The following TACR3 variants were observed in gnomAD, a reference collection of about 807,000 sequenced individuals.
TACR3 encodes the protein neuromedin-K receptor.
Under a neutral mutation model 35.0 loss-of-function variants are expected in TACR3, and 34 were observed. The observed-to-expected ratio is 0.97, with a 90% CI of 0.74 to 1.30. The LOEUF (loss-of-function observed/expected upper bound fraction) is 1.30, where lower values mean the gene tolerates loss of function less well. Among genes scored for constraint, TACR3 ranks in the 50% most tolerant of loss-of-function variants. TACR3 has a pLI of 0.00. For missense variants in TACR3, 558 were observed against 591.7 expected, an observed-to-expected ratio of 0.94 and a Z score of 0.59; for synonymous variants, 233 against 221.1, an observed-to-expected ratio of 1.05 and a Z score of -0.48.
chr4:103,649,987 A>C (rs999111265), intron 3 of TACR3, among the ~76,000 whole-genome samples: 1 of 151,996 alleles, frequency 6.6e-6, no homozygotes, highest in Non-Finnish European at 1.5e-5. Flanking sequence ...CCTTCTTGGG[A>C]AGGATTTCTA....
At chr4:103,648,902 A>G (rs1446545820) in intron 3 of TACR3, among the ~76,000 whole-genome samples, 1 of 152,080 alleles carries the variant, frequency 6.6e-6, no homozygotes, top group Non-Finnish European at 1.5e-5. Context: ...TTACATTCCC[A>G]TCAACTGTAT....
Position 103,702,377 on chromosome 4 carries a change from C to T in TACR3, c.548+16751G>A, listed in dbSNP as rs1408890753. On this transcript the variant is annotated intron_variant, in intron 1 of 4. Transcript: ENST00000304883. ...TACCATCTCACACCAGTTAGAATGG[C>T]GATCATTAAAAAGTCAGGAAACAAC... Among the ~76,000 whole-genome samples, 19 of 152,082 alleles carry T rather than the reference C, an allele frequency of 1.2e-4. No individual in the cohort carries two copies. The South Asian group carries it at 1.5e-3, about 12-fold the overall frequency.
chr4:103,627,747 T>A (rs999006330), intron 3 of TACR3, among the ~76,000 whole-genome samples: 2 of 151,992 alleles, frequency 1.3e-5, no homozygotes, highest in Non-Finnish European at 2.9e-5. Context: ...AGACAGAAGG[T>A]TAACAAGGAT....
chr4:103,614,885 T>TTTG lies in TACR3; in HGVS notation c.889-23203_889-23202insCAA, dbSNP rs1491546446. ...ATAACCTAAGTTGATTATGAATGTG[T>TTTG]TTTTTTTTTTTTTTTTTTTTTTTTT... On this transcript the variant is annotated intron_variant, in intron 3 of 4. Transcript: ENST00000304883. 8.1e-3 allele frequency among the ~76,000 whole-genome samples: 544 copies of TTTG among 67,180 alleles called. 29 individuals carry two copies. Among genetic ancestry groups the TTTG allele is most frequent in the African/African-American group, 0.043 (518 of 12,034 alleles). The allele number at this position is 67,180 out of a possible 152,430, so 44.1% of individuals were successfully genotyped here.
intron 1 of TACR3, among the ~76,000 whole-genome samples, chr4:103,678,831 C>T (rs1217143026): frequency 6.6e-6 from 1 of 151,398 alleles, no homozygotes; most frequent in African/African-American, 2.4e-5. Context: ...TGTCCTCACA[C>T]CACATCTATA....
chr4:103,640,982 C>A (rs1725343721), intron 3 of TACR3, among the ~76,000 whole-genome samples: 1 of 151,928 alleles, frequency 6.6e-6, no homozygotes, highest in South Asian at 2.1e-4. Context: ...ATTATTCAGA[C>A]AAATGTCATA....
intron 3 of TACR3, among the ~76,000 whole-genome samples, chr4:103,638,122 A>C (rs1235688389): frequency 2.0e-5 from 3 of 152,130 alleles, no homozygotes; most frequent in Admixed American, 2.0e-4. Flanking sequence ...AAGAGAGCCC[A>C]CATCGCCAAG....
intron 1 of TACR3, among the ~76,000 whole-genome samples, chr4:103,664,698 A>C (rs1725902127): frequency 6.6e-6 from 1 of 152,058 alleles, no homozygotes; most frequent in South Asian, 2.1e-4. Flanking sequence ...GTGCTAGGGT[A>C]TTTTCTGCTT....
At chr4:103,621,869 T>C (rs1361567352) in intron 3 of TACR3, among the ~76,000 whole-genome samples, 1 of 152,240 alleles carries the variant, frequency 6.6e-6, no homozygotes, top group East Asian at 1.9e-4. Context: ...ATGGGCATAA[T>C]ACAAATGTAG....
chr4:103,656,221 A>T lies in TACR3; in HGVS notation c.861T>A (p.Tyr287Ter). Reference sequence around the variant, plus strand: ...TTCTTTTGGCCTTTAGCTGCTCATGATACTTGTCACAGGTATCTCCTGGGA... The same window carrying T: ...TTCTTTTGGCCTTTAGCTGCTCATGTTACTTGTCACAGGTATCTCCTGGGA... ...GEIPGDTCDK[Y>*]HEQLKAKRKV... The change falls in exon 3 of 5, where the codon TAT becomes TAA. Residue 287 changes from tyrosine (Y) to a stop codon, truncating the protein, a stop_gained. Coordinates refer to ENST00000304883, the MANE Select transcript of TACR3 (RefSeq NM_001059.3). LOFTEE classifies it high-confidence loss of function. 1 of 1,613,032 alleles carries T rather than the reference A, an allele frequency of 6.2e-7. No homozygotes were observed. Among genetic ancestry groups the T allele is most frequent in the Non-Finnish European group, 8.5e-7 (1 of 1,179,278 alleles).
At chr4:103,637,541 C>T (rs993591682) in intron 3 of TACR3, among the ~76,000 whole-genome samples, 5 of 152,098 alleles carry the variant, frequency 3.3e-5, no homozygotes, top group African/African-American at 1.2e-4. Context: ...GACAAGGATG[C>T]CCTCTCTCAC....
chr4:103,671,602 A>G, intron 1 of TACR3, among the ~76,000 whole-genome samples: 1 of 151,876 alleles, frequency 6.6e-6, no homozygotes, highest in East Asian at 1.9e-4. Context: ...GTCTCTAATG[A>G]TCCTTTAAAT....
intron 3 of TACR3, among the ~76,000 whole-genome samples, chr4:103,621,366 G>C (rs1425887643): frequency 1.3e-5 from 2 of 152,110 alleles, no homozygotes; most frequent in Non-Finnish European, 2.9e-5. Flanking sequence ...TGAGAATAGA[G>C]GGCCAATATG....
chr4:103,674,155 G>A (rs1275477038), intron 1 of TACR3, among the ~76,000 whole-genome samples: 2 of 152,126 alleles, frequency 1.3e-5, no homozygotes, highest in African/African-American at 4.8e-5. Context: ...GGAAGCTTTA[G>A]TTAAATATAT....
rs112175823 is a variant in TACR3 at position 103,589,412 on chromosome 4, A to G, written c.*270T>C. 2,344 of 396,916 alleles carry G rather than the reference A, an allele frequency of 5.9e-3. 48 individuals are homozygous for G. Among genetic ancestry groups the G allele is most frequent in the African/African-American group, 0.043 (2,171 of 50,074 alleles). The allele number at this position is 396,916 out of a possible 1,614,324, so 24.6% of individuals were successfully genotyped here. On this transcript the variant is annotated 3_prime_UTR_variant, in exon 5 of 5. Coordinates refer to ENST00000304883, the MANE Select transcript of TACR3 (RefSeq NM_001059.3). The stretch of plus-strand genomic sequence containing the variant: ...GAGATAGACTGGCGAGTTTACAAGT[A>G]TTTTCCTGACATATTTTTGTTCATT...
chr4:103,628,841 A>AAAAAG, intron 3 of TACR3, among the ~76,000 whole-genome samples: 1 of 151,116 alleles, frequency 6.6e-6, no homozygotes, highest in Admixed American at 6.6e-5. Flanking sequence ...CAGAGATAAA[A>AAAAAG]AGAATTTTAG....
At chr4:103,625,593 G>GTAAT (rs1236806411) in intron 3 of TACR3, among the ~76,000 whole-genome samples, 1 of 151,848 alleles carries the variant, frequency 6.6e-6, no homozygotes, top group African/African-American at 2.4e-5. Flanking sequence ...GTGGGGGGTT[G>GTAAT]TAATTCTACC....
At chr4:103,706,957 C>A (rs1183592894) in intron 1 of TACR3, among the ~76,000 whole-genome samples, 1 of 152,122 alleles carries the variant, frequency 6.6e-6, no homozygotes, top group Non-Finnish European at 1.5e-5. Context: ...ATGCTTTATC[C>A]TTTCTTGCAG....
At chr4:103,715,075 T>G (rs1048438391) in intron 1 of TACR3, among the ~76,000 whole-genome samples, 6 of 152,222 alleles carry the variant, frequency 3.9e-5, no homozygotes, top group African/African-American at 1.4e-4. Context: ...TAATTATTCA[T>G]GTAAGGTATG....
Sources: allele counts gnomAD v4.1 joint callset (sites outside exome capture counted in the v4.1 genomes callset), GRCh38; gene constraint gnomAD v4.1.1; transcripts MANE v1.5; gene names NCBI Gene and HGNC (gene_info 2026-07-23, HGNC 2026-07-21).